The following PRKCH variants were observed in gnomAD, a reference collection of about 807,000 sequenced individuals.
PRKCH encodes protein kinase C eta, also known as protein kinase C eta type.
A neutral mutation model predicts 82.5 loss-of-function variants in PRKCH; 28 were observed. The observed-to-expected ratio is 0.34, with a 90% CI of 0.25 to 0.47. The LOEUF (loss-of-function observed/expected upper bound fraction) is 0.47, where lower values mean the gene tolerates loss of function less well. PRKCH is among the 20% of genes least tolerant of loss of function. The pLI is 1.00. For synonymous variants in PRKCH, 322 were observed against 327.4 expected, an observed-to-expected ratio of 0.98 and a Z score of 0.18; for missense variants, 705 against 881.8, an observed-to-expected ratio of 0.80 and a Z score of 2.54.
chr14:61,224,884 G>C (rs1440898688), intron 1 of PRKCH, among the ~76,000 whole-genome samples: 1 of 152,182 alleles, frequency 6.6e-6, no homozygotes, highest in Non-Finnish European at 1.5e-5. Flanking sequence ...AATTGGCAGG[G>C]CCCTTAGGAG....
At chr14:61,302,007 T>C (rs892998164) in intron 1 of PRKCH, among the ~76,000 whole-genome samples, 1 of 152,232 alleles carries the variant, frequency 6.6e-6, no homozygotes, top group Non-Finnish European at 1.5e-5. Flanking sequence ...CTGACCTAGT[T>C]TCTATCACTA....
chr14:61,504,773 C>T (rs1407946221), intron 10 of PRKCH, among the ~76,000 whole-genome samples: 2 of 152,110 alleles, frequency 1.3e-5, no homozygotes, highest in African/African-American at 4.8e-5. Context: ...GGGGAAATTG[C>T]CTTTCCCTTA....
Position 61,549,820 on chromosome 14 carries a change from T to C in PRKCH, c.2041T>C (p.Leu681=), listed in dbSNP as rs527487305. 4 of 1,613,902 alleles carry C rather than the reference T, an allele frequency of 2.5e-6. No homozygotes were observed. The highest frequency in any genetic ancestry group is 3.3e-5 in the Admixed American group (2 of 60,014). ...FRNFSYVSPE[L]QP is the part of the protein sequence containing the mutation. Reference sequence around the variant, plus strand: ...AAACTTTTCCTATGTGTCTCCAGAATTGCAACCATAGCCTTATGGGGAGTG... The same window carrying C: ...AAACTTTTCCTATGTGTCTCCAGAACTGCAACCATAGCCTTATGGGGAGTG... Residue 681 remains leucine (L), a synonymous_variant, in exon 14 of 14, where the codon TTG becomes CTG. Transcript: ENST00000332981.
intron 1 of PRKCH, among the ~76,000 whole-genome samples, chr14:61,221,330 G>C (rs538917597): frequency 2.0e-5 from 3 of 152,286 alleles, no homozygotes; most frequent in South Asian, 2.1e-4. Context: ...TGGGTTACAA[G>C]TATAGACAAA....
rs76873125 is a variant in PRKCH at position 61,275,704 on chromosome 14, C to A, written c.-19+88036C>A. On this transcript the variant is annotated intron_variant, in intron 1 of 3. Coordinates refer to the PRKCH transcript ENST00000555185. ...ATCATGGGTTTCCTTTGCTGCCAATCCCCTGCCTTCTAGGTATCCTGCTCC... is the reference window on the plus strand; with the variant it reads ...ATCATGGGTTTCCTTTGCTGCCAATACCCTGCCTTCTAGGTATCCTGCTCC... 8.9e-4 allele frequency among the ~76,000 whole-genome samples: 135 copies of A among 152,184 alleles called. 3 individuals are homozygous for A. The East Asian group carries it at 0.024, about 27-fold the overall frequency.
At chr14:61,194,291 A>C (rs955451835) in intron 1 of PRKCH, among the ~76,000 whole-genome samples, 2 of 152,240 alleles carry the variant, frequency 1.3e-5, no homozygotes, top group Admixed American at 1.3e-4. Context: ...GTTTGAATAT[A>C]TGAATATTTA....
chr14:61,327,627 G>C (rs1456917426), intron 1 of PRKCH, among the ~76,000 whole-genome samples: 1 of 152,048 alleles, frequency 6.6e-6, no homozygotes, highest in African/African-American at 2.4e-5. Flanking sequence ...TTATTATCTT[G>C]TTGTCTTTCG....
intron 1 of PRKCH, among the ~76,000 whole-genome samples, chr14:61,231,786 A>G (rs2044746888): frequency 6.6e-6 from 1 of 152,100 alleles, no homozygotes; most frequent in Admixed American, 6.6e-5. Context: ...CCTGCAAAAT[A>G]CAAATCTGTT....
At chr14:61,542,444 GGCAGGAGGATCACTTGA>G (rs1232432956) in intron 12 of PRKCH, among the ~76,000 whole-genome samples, 2 of 152,090 alleles carry the variant, frequency 1.3e-5, no homozygotes, top group African/African-American at 4.8e-5. Context: ...AGGAGGCTGA[GGCAGGAGGATCACTTGA>G]GCTTAAGAGT....
chr14:61,429,454 A>T (rs1327439829), intron 2 of PRKCH, among the ~76,000 whole-genome samples: 2 of 152,232 alleles, frequency 1.3e-5, no homozygotes, highest in Non-Finnish European at 2.9e-5. Context: ...GTGATCAAAG[A>T]AGGATTTGAG....
intron 5 of PRKCH, among the ~76,000 whole-genome samples, chr14:61,449,635 G>A (rs1448009493): frequency 6.6e-6 from 1 of 152,122 alleles, no homozygotes; most frequent in Non-Finnish European, 1.5e-5. Context: ...TTTGAATGCT[G>A]AATCCAGCCT....
At chr14:61,221,610 C>G (rs763947124) in intron 1 of PRKCH, among the ~76,000 whole-genome samples, 2 of 152,160 alleles carry the variant, frequency 1.3e-5, no homozygotes, top group African/African-American at 4.8e-5. Context: ...TGCACAGATT[C>G]TGTAGCTGGC....
intron 1 of PRKCH, among the ~76,000 whole-genome samples, chr14:61,376,320 A>G (rs887915687): frequency 5.9e-5 from 9 of 152,074 alleles, no homozygotes; most frequent in Non-Finnish European, 7.4e-5. Flanking sequence ...GAACTGTACA[A>G]TTGTTCCTTG....
chr14:61,514,769 GAT>G, intron 10 of PRKCH, among the ~76,000 whole-genome samples: 1 of 152,246 alleles, frequency 6.6e-6, no homozygotes, highest in Non-Finnish European at 1.5e-5. Context: ...GAAATATAAA[GAT>G]ATAGAAACGA....
intron 9 of PRKCH, among the ~76,000 whole-genome samples, chr14:61,466,903 A>G (rs1885287691): frequency 6.6e-6 from 1 of 152,156 alleles, no homozygotes; most frequent in Non-Finnish European, 1.5e-5. Flanking sequence ...TGGCCAACAA[A>G]GTTGAAATCC....
chr14:61,451,055 G>A (rs1884487668), intron 6 of PRKCH, 84 bp downstream of exon 6: 1 of 1,441,292 alleles, frequency 6.9e-7, no homozygotes, highest in Non-Finnish European at 9.4e-7. Context: ...CTCAGAATCT[G>A]TCCTAGAACT....
chr14:61,504,193 TG>T (rs1441565187), intron 10 of PRKCH, among the ~76,000 whole-genome samples: 1 of 39,722 alleles, frequency 2.5e-5, no homozygotes. Context: ...TTTTGTTTAT[TG>T]GGTTTTTTTT....
At chr14:61,448,244 A>G (rs981884887) in intron 4 of PRKCH, among the ~76,000 whole-genome samples, 1 of 151,890 alleles carries the variant, frequency 6.6e-6, no homozygotes, top group African/African-American at 2.4e-5. Context: ...TATGTAGTTA[A>G]TCCTAAAACC....
chr14:61,542,109 G>T (rs567769342), intron 12 of PRKCH, among the ~76,000 whole-genome samples: 1 of 152,016 alleles, frequency 6.6e-6, no homozygotes, highest in African/African-American at 2.4e-5. Context: ...GGCCAACATG[G>T]TGAAACCCCG....
Sources: gnomAD v4.1 joint callset for allele counts (sites outside exome capture counted in the v4.1 genomes callset) on GRCh38, gnomAD v4.1.1 for gene constraint, MANE v1.5 for transcripts, NCBI Gene and HGNC (gene_info 2026-07-23, HGNC 2026-07-21) for gene names.